TBC1D12: variants seen among roughly 807,000 people sequenced by gnomAD.
TBC1D12 encodes TBC1 domain family, member 12.
A neutral mutation model predicts 86.7 loss-of-function variants in TBC1D12; 56 were observed. That is an observed-to-expected ratio of 0.65 (90% confidence interval 0.52 to 0.81). TBC1D12 has a LOEUF of 0.81. Among genes scored for constraint, TBC1D12 ranks in the 30% least tolerant of loss-of-function variants. TBC1D12 has a pLI of 0.00. For synonymous variants in TBC1D12, 421 were observed against 411.7 expected, an observed-to-expected ratio of 1.02 and a Z score of -0.27; for missense variants, 1,023 against 1,038.8, an observed-to-expected ratio of 0.98 and a Z score of 0.21.
Position 94,434,271 on chromosome 10 carries a change from C to T in TBC1D12, c.972-7625C>T, listed in dbSNP as rs184917436. On this transcript the variant is annotated intron_variant, in intron 1 of 12. Coordinates refer to ENST00000225235, the MANE Select transcript of TBC1D12 (RefSeq NM_015188.2). ...CTGTAATCCCAGCACTTTGGGAGGC[C>T]GAGGCAGGTGGATCACTTGAGGTCA... 9.7e-4 allele frequency among the ~76,000 whole-genome samples: 147 copies of T among 151,996 alleles called. 1 individual carries two copies. The highest frequency in any genetic ancestry group is 3.4e-3 in the African/African-American group (143 of 41,470).
At chr10:94,467,256 G>C (rs935037766) in intron 2 of TBC1D12, among the ~76,000 whole-genome samples, 2 of 152,074 alleles carry the variant, frequency 1.3e-5, no homozygotes, top group African/African-American at 4.8e-5. Flanking sequence ...TTTTAAGACA[G>C]AGTTTCGCTG....
intron 1 of TBC1D12, among the ~76,000 whole-genome samples, chr10:94,429,309 G>T (rs1209707397): frequency 6.6e-6 from 1 of 151,436 alleles, no homozygotes; most frequent in Non-Finnish European, 1.5e-5. Context: ...TAATTTTTAG[G>T]ATTTGTAATA....
rs1225338584 is a variant in TBC1D12 at position 94,402,754 on chromosome 10, G to A, written c.141G>A (p.Glu47=). 2 of 1,548,700 alleles carry A rather than the reference G, an allele frequency of 1.3e-6. No homozygotes were observed. The highest frequency in any genetic ancestry group is 1.7e-6 in the Non-Finnish European group (2 of 1,145,808). Residue 47 remains glutamate, a synonymous_variant, in exon 1 of 13, where the codon GAG becomes GAA. Coordinates refer to ENST00000225235, the MANE Select transcript of TBC1D12 (RefSeq NM_015188.2). ...TTGGCGGAGGCGTCGGCGCTGTGGAGCCGCCGGAGGAGGCTGACGAGGAGG... is the reference window on the plus strand; with the variant it reads ...TTGGCGGAGGCGTCGGCGCTGTGGAACCGCCGGAGGAGGCTGACGAGGAGG... ...GGFGGGVGAV[E]PPEEADEEEE...
chr10:94,436,045 T>C (rs1377302248), intron 1 of TBC1D12, among the ~76,000 whole-genome samples: 2 of 152,216 alleles, frequency 1.3e-5, no homozygotes, highest in Non-Finnish European at 2.9e-5. Context: ...CCATATGTTG[T>C]TAAAAACTGT....
intron 2 of TBC1D12, among the ~76,000 whole-genome samples, chr10:94,449,369 CTT>C: frequency 6.6e-6 from 1 of 152,214 alleles, no homozygotes; most frequent in East Asian, 1.9e-4. Flanking sequence ...TGATGAAATG[CTT>C]TGCCCCGAGA....
At chr10:94,470,188 C>G (rs1206716599) in intron 2 of TBC1D12, among the ~76,000 whole-genome samples, 1 of 152,042 alleles carries the variant, frequency 6.6e-6, no homozygotes, top group Non-Finnish European at 1.5e-5. Context: ...ATGCTGTGAA[C>G]CTCTTGGTCA....
At chr10:94,510,425 A>C (rs1350012845) in intron 8 of TBC1D12, among the ~76,000 whole-genome samples, 1 of 152,166 alleles carries the variant, frequency 6.6e-6, no homozygotes, top group East Asian at 1.9e-4. Flanking sequence ...CACTTGATGA[A>C]TTTTATTACA....
chr10:94,452,491 A>G (rs1188012132), intron 2 of TBC1D12, among the ~76,000 whole-genome samples: 3 of 152,102 alleles, frequency 2.0e-5, no homozygotes, highest in South Asian at 2.1e-4. Flanking sequence ...TCTTGTCTCC[A>G]TAGTTTTGCC....
intron 9 of TBC1D12, among the ~76,000 whole-genome samples, chr10:94,512,910 T>G (rs752206952): frequency 6.6e-6 from 1 of 152,336 alleles, no homozygotes; most frequent in South Asian, 2.1e-4. Context: ...ATAATTTAAT[T>G]TTTTAGCACT....
rs183116731 is a variant in TBC1D12, at chr10:94,461,377, A to C, written c.1096-13291A>C. The stretch of plus-strand genomic sequence containing the variant: ...TGGAGTTGTGTATTTCCCTTCCCCT[A>C]GTTAGGTTAGAGCAGGTTAGGCTCT... On this transcript the variant is annotated intron_variant, in intron 2 of 12. Transcript: ENST00000225235. Among the ~76,000 whole-genome samples, 11 of 152,080 alleles carry C rather than the reference A, an allele frequency of 7.2e-5. No homozygotes were observed. In the East Asian group the frequency reaches 1.9e-3, roughly 27 times the overall value.
intron 2 of TBC1D12, among the ~76,000 whole-genome samples, chr10:94,461,872 T>C (rs2055734837): frequency 6.6e-6 from 1 of 152,206 alleles, no homozygotes; most frequent in African/African-American, 2.4e-5. Context: ...TTCAGTTTGC[T>C]TAGGTTTTTA....
At position 94,521,238 on chromosome 10, in the gene TBC1D12, C is replaced by CAA. The variant is rs398038539; in HGVS notation, c.1762-708_1762-707dup. Among the ~76,000 whole-genome samples, 97 of 122,752 alleles carry CAA rather than the reference C, an allele frequency of 7.9e-4. 1 individual carries two copies. The highest frequency in any genetic ancestry group is 1.2e-3 in the Non-Finnish European group (69 of 58,498). The allele number at this position is 122,752 out of a possible 152,430, so 80.5% of individuals were successfully genotyped here. ...AAAGAAACCAAAAAAAAAAAAAAAA[C>CAA]AAAAAAAAAACAGGAGAAGAAGTAT... On this transcript the variant is annotated intron_variant, in intron 9 of 12. Transcript: ENST00000225235.
intron 2 of TBC1D12, among the ~76,000 whole-genome samples, chr10:94,444,814 C>T (rs1027381581): frequency 2.7e-5 from 4 of 150,300 alleles, no homozygotes; most frequent in African/African-American, 9.8e-5. Flanking sequence ...TCACTGCAAT[C>T]TCCGCCACCC....
chr10:94,510,263 T>C, intron 8 of TBC1D12, 84 bp downstream of exon 8: 1 of 988,280 alleles, frequency 1.0e-6, no homozygotes, highest in Non-Finnish European at 1.5e-6. Context: ...GAATAGCTAT[T>C]ACTTTAAAAA....
At chr10:94,496,769 A>T (rs1589658264) in intron 4 of TBC1D12, among the ~76,000 whole-genome samples, 2 of 152,192 alleles carry the variant, frequency 1.3e-5, no homozygotes, top group Non-Finnish European at 1.5e-5. Context: ...AAGTTGAGAT[A>T]TGAGGATTTA....
chr10:94,489,570 G>A (rs562046534), intron 3 of TBC1D12, among the ~76,000 whole-genome samples: 1 of 152,124 alleles, frequency 6.6e-6, no homozygotes, highest in Non-Finnish European at 1.5e-5. Flanking sequence ...ACTGGTGCAG[G>A]CTTCTATTCT....
At position 94,531,684 on chromosome 10, in the gene TBC1D12, T is replaced by G. The variant is rs553338496; in HGVS notation, c.2259+224T>G. 7.7e-3 allele frequency among the ~76,000 whole-genome samples: 1,008 copies of G among 130,434 alleles called. 17 individuals carry two copies. Among genetic ancestry groups the G allele is most frequent in the Non-Finnish European group, 0.012 (715 of 60,780 alleles). 85.6% of individuals were successfully genotyped at this position (130,434 alleles called of 152,430 possible). Reference sequence around the variant, plus strand: ...TTTATTTTATTTTATTTTATTTTATTTTATGTTATTTTATGTTATGTTATT... The same window carrying G: ...TTTATTTTATTTTATTTTATTTTATGTTATGTTATTTTATGTTATGTTATT... On this transcript the variant is annotated intron_variant, in intron 12 of 12. Transcript: ENST00000225235.
At chr10:94,455,100 G>A (rs2055608397) in intron 2 of TBC1D12, among the ~76,000 whole-genome samples, 1 of 152,008 alleles carries the variant, frequency 6.6e-6, no homozygotes, top group South Asian at 2.1e-4. Flanking sequence ...GGTGTTGGAT[G>A]TTGTCAAATG....
At chr10:94,413,125 T>C (rs2054948380) in intron 1 of TBC1D12, among the ~76,000 whole-genome samples, 1 of 152,164 alleles carries the variant, frequency 6.6e-6, no homozygotes, top group Admixed American at 6.5e-5. Flanking sequence ...TGATTTAAAA[T>C]TGGGTCATAT....
Sources: gnomAD v4.1 joint callset for allele counts (sites outside exome capture counted in the v4.1 genomes callset) on GRCh38, gnomAD v4.1.1 for gene constraint, MANE v1.5 for transcripts, NCBI Gene and HGNC (gene_info 2026-07-23, HGNC 2026-07-21) for gene names.